TRPM3: variants seen among roughly 807,000 people sequenced by gnomAD.
The protein encoded by TRPM3 is long transient receptor potential channel 3.
TRPM3 carries 77 observed loss-of-function variants against 181.2 expected under a neutral mutation model. That is an observed-to-expected ratio of 0.42 (90% CI 0.35 to 0.51). The LOEUF (loss-of-function observed/expected upper bound fraction) is 0.51. Among genes scored for constraint, TRPM3 ranks in the 20% least tolerant of loss-of-function variants. The pLI is 0.01. For synonymous variants in TRPM3, 745 were observed against 796.4 expected (o/e 0.94, Z 1.09); for missense variants, 1,759 against 2,196.7 (o/e 0.80, Z 3.98).
intron 2 of TRPM3, 53 bp from the exon 3 acceptor site, chr9:70,863,165 C>T: frequency 2.6e-6 from 4 of 1,515,034 alleles, no homozygotes; most frequent in Non-Finnish European, 3.6e-6. Context: ...TATTGGGATA[C>T]ACACTTAAGG....
At chr9:71,245,025 G>A (rs1345118360) in intron 1 of TRPM3, among the ~76,000 whole-genome samples, 2 of 152,248 alleles carry the variant, frequency 1.3e-5, no homozygotes, top group South Asian at 2.1e-4. Flanking sequence ...CAACATGAAC[G>A]GAGACAGGAC....
chr9:71,071,009 G>C (rs1008716943), intron 1 of TRPM3, among the ~76,000 whole-genome samples: 3 of 152,192 alleles, frequency 2.0e-5, no homozygotes, highest in African/African-American at 7.2e-5. Context: ...CCTCATCATA[G>C]AGGGCATGGG....
chr9:71,272,091 C>A (rs2083844710), intron 1 of TRPM3, among the ~76,000 whole-genome samples: 1 of 152,068 alleles, frequency 6.6e-6, no homozygotes, highest in African/African-American at 2.4e-5. Flanking sequence ...GGAATCTTGG[C>A]AAATAAACCC....
At chr9:71,388,218 A>T (rs1262772642) in intron 1 of TRPM3, among the ~76,000 whole-genome samples, 1 of 152,226 alleles carries the variant, frequency 6.6e-6, no homozygotes, top group South Asian at 2.1e-4. Context: ...TTATGTTTAC[A>T]ATCTCATACA....
intron 1 of TRPM3, among the ~76,000 whole-genome samples, chr9:71,059,587 T>A (rs994460031): frequency 6.6e-6 from 1 of 152,008 alleles, no homozygotes; most frequent in African/African-American, 2.4e-5. Context: ...GTAAATGCGA[T>A]CAACATCTAT....
chr9:71,243,976 G>A (rs1203228393), intron 1 of TRPM3, among the ~76,000 whole-genome samples: 1 of 152,258 alleles, frequency 6.6e-6, no homozygotes, highest in Admixed American at 6.5e-5. Flanking sequence ...GGGACATCAG[G>A]TGAACAGGCT....
rs1301411600 is a variant in TRPM3 at position 70,674,290 on chromosome 9, T to G, written c.1345+7216A>C. 3.3e-5 allele frequency among the ~76,000 whole-genome samples: 5 copies of G among 152,216 alleles called. No homozygotes were observed. In the East Asian group the frequency reaches 9.6e-4, roughly 29 times the overall value. On this transcript the variant is annotated intron_variant, in intron 9 of 25. Transcript: ENST00000677713. ...TTAGTTGTTTATGAGAGCTACCTGA[T>G]GCATGGAATTATTGGACATAAACTA...
chr9:71,169,470 G>A (rs2076729400), intron 1 of TRPM3, among the ~76,000 whole-genome samples: 1 of 152,080 alleles, frequency 6.6e-6, no homozygotes, highest in Non-Finnish European at 1.5e-5. Flanking sequence ...AACAGATTAA[G>A]GGTAGATCAG....
chr9:71,021,636 A>G (rs555556089), intron 1 of TRPM3, among the ~76,000 whole-genome samples: 1 of 152,342 alleles, frequency 6.6e-6, no homozygotes, highest in South Asian at 2.1e-4. Flanking sequence ...ATTACAAAAC[A>G]ATGTAAATGT....
intron 8 of TRPM3, chr9:70,761,316 A>C (rs1212051411): frequency 1.6e-6 from 1 of 614,514 alleles, no homozygotes; most frequent in African/African-American, 1.9e-5. Context: ...GAGGGGACCA[A>C]TTTTATCACT....
chr9:71,427,853 C>A (rs1588984910), intron 1 of TRPM3, among the ~76,000 whole-genome samples: 1 of 152,260 alleles, frequency 6.6e-6, no homozygotes, highest in Non-Finnish European at 1.5e-5. Context: ...AACTCTCAAC[C>A]TCAGCATCAC....
intron 1 of TRPM3, among the ~76,000 whole-genome samples, chr9:71,055,858 C>G (rs545108573): frequency 6.6e-6 from 1 of 152,106 alleles, no homozygotes; most frequent in African/African-American, 2.4e-5. Flanking sequence ...AAGGGGACCA[C>G]CCCTTTCTCT....
intron 1 of TRPM3, among the ~76,000 whole-genome samples, chr9:70,958,720 T>C (rs2097105372): frequency 1.3e-5 from 2 of 152,046 alleles, no homozygotes; most frequent in African/African-American, 4.8e-5. Flanking sequence ...ATGTTTATTG[T>C]GGCATTATTC....
At chr9:71,305,781 ACTTG>A (rs2087240794) in intron 1 of TRPM3, among the ~76,000 whole-genome samples, 1 of 152,090 alleles carries the variant, frequency 6.6e-6, no homozygotes, top group Non-Finnish European at 1.5e-5. Flanking sequence ...GCTAGTATTG[ACTTG>A]CTTTCTCTTT....
At chr9:71,056,391 G>A (rs1401576645) in intron 1 of TRPM3, among the ~76,000 whole-genome samples, 1 of 151,834 alleles carries the variant, frequency 6.6e-6, no homozygotes, top group Non-Finnish European at 1.5e-5. Context: ...GCAGAGATAT[G>A]GATAATGAGA....
chr9:71,380,664 TA>T (rs1004582842), intron 1 of TRPM3, among the ~76,000 whole-genome samples: 1 of 152,092 alleles, frequency 6.6e-6, no homozygotes, highest in African/African-American at 2.4e-5. Flanking sequence ...CATATTATCT[TA>T]AACATAAAAT....
Position 71,282,366 on chromosome 9 carries a change from A to T in TRPM3, c.183+164287T>A, listed in dbSNP as rs866992230. The stretch of plus-strand genomic sequence containing the variant: ...AAAGAAAAGAAAGAAAGAAAAAGAA[A>T]GAATGAAAGAAAGAAAGAAAGGAAA... On this transcript the variant is annotated intron_variant, in intron 1 of 24. Transcript: ENST00000357533. Among the ~76,000 whole-genome samples, 39 of 117,488 alleles carry T rather than the reference A, an allele frequency of 3.3e-4. 5 individuals carry two copies. Among genetic ancestry groups the T allele is most frequent in the Middle Eastern group, 7.2e-3 (2 of 276 alleles). The allele number at this position is 117,488 out of a possible 152,430, so 77.1% of individuals were successfully genotyped here. A position where few individuals can be genotyped will look rare whatever the true frequency, so the allele number is the denominator to read the frequency against.
At chr9:71,235,487 T>C (rs894586083) in intron 1 of TRPM3, among the ~76,000 whole-genome samples, 1 of 152,232 alleles carries the variant, frequency 6.6e-6, no homozygotes, top group Non-Finnish European at 1.5e-5. Context: ...TATTTATTTA[T>C]TGAATAAATG....
chr9:71,349,176 C>A (rs1270748863), intron 1 of TRPM3, among the ~76,000 whole-genome samples: 1 of 152,066 alleles, frequency 6.6e-6, no homozygotes, highest in Non-Finnish European at 1.5e-5. Context: ...AATGTGAATC[C>A]AAAAATGCAT....
Sources: gnomAD v4.1 joint callset for allele counts (sites outside exome capture counted in the v4.1 genomes callset) on GRCh38, gnomAD v4.1.1 for gene constraint, MANE v1.5 for transcripts, NCBI Gene and HGNC (gene_info 2026-07-23, HGNC 2026-07-21) for gene names.